Variants in DHX35 observed in about 807,000 individuals in gnomAD.
DHX35 encodes the protein DEAH-box helicase 35.
A neutral mutation model predicts 99.6 loss-of-function variants in DHX35; 84 were observed. The observed-to-expected ratio is 0.84, with a 90% confidence interval of 0.71 to 1.01. The LOEUF (loss-of-function observed/expected upper bound fraction) is 1.01, where lower values mean the gene tolerates loss of function less well. Ranked by LOEUF, DHX35 falls within the 50% of genes least tolerant of loss-of-function variation. The pLI, the probability that DHX35 is intolerant of heterozygous loss-of-function variation, is 0.00. For synonymous variants in DHX35, 331 were observed against 316.2 expected (o/e 1.05, Z -0.50); for missense variants, 852 against 888.5 (o/e 0.96, Z 0.52).
At chr20:38,964,589 C>A (rs534906040) in intron 1 of DHX35, among the ~76,000 whole-genome samples, 42 of 152,206 alleles carry the variant, frequency 2.8e-4, no homozygotes, top group Admixed American at 6.5e-4. Context: ...TGCCACCACA[C>A]CTAGCTAATT....
intron 7 of DHX35, among the ~76,000 whole-genome samples, chr20:38,992,660 A>G (rs2086359072): frequency 6.6e-6 from 1 of 151,962 alleles, no homozygotes; most frequent in Non-Finnish European, 1.5e-5. Context: ...CTGTTTTGGC[A>G]TACTAGGGAT....
At chr20:38,972,722 C>G in intron 3 of DHX35, 71 bp downstream of exon 3, 1 of 974,000 alleles carries the variant, frequency 1.0e-6, no homozygotes, top group South Asian at 1.4e-5. Flanking sequence ...TGAGAGCTCT[C>G]TTTACTATCA....
chr20:39,011,128 C>T (rs986742687), intron 13 of DHX35, among the ~76,000 whole-genome samples: 1 of 151,732 alleles, frequency 6.6e-6, no homozygotes, highest in Non-Finnish European at 1.5e-5. Context: ...GTTTTTATTT[C>T]TTCTGAGTTG....
Position 39,039,355 on chromosome 20 carries a change from G to A in DHX35, c.*812G>A, listed in dbSNP as rs1446651176. ...AACAGTTTGGATGCCCTAAACTTCTGTAGCTCAGGAACATCACTGGTGTAT... is the reference window on the plus strand; with the variant it reads ...AACAGTTTGGATGCCCTAAACTTCTATAGCTCAGGAACATCACTGGTGTAT... On this transcript the variant is annotated 3_prime_UTR_variant, in exon 22 of 22. Transcript: ENST00000252011. The A allele has an allele frequency of 6.6e-6, 1 of 152,644 alleles. No homozygotes were observed. Among genetic ancestry groups the A allele is most frequent in the Non-Finnish European group, 1.5e-5 (1 of 68,052 alleles). The allele number at this position is 152,644 out of a possible 1,614,324, so 9.5% of individuals were successfully genotyped here.
intron 3 of DHX35, chr20:38,978,422 TG>T: frequency 3.1e-6 from 2 of 641,988 alleles, no homozygotes; most frequent in South Asian, 1.6e-5. Context: ...ACATCTTTCA[TG>T]GGGTGGTGGC....
At chr20:38,972,064 A>C (rs963744644) in intron 2 of DHX35, among the ~76,000 whole-genome samples, 2 of 130,886 alleles carry the variant, frequency 1.5e-5, no homozygotes, top group African/African-American at 5.9e-5. Flanking sequence ...GCTGAAGTGC[A>C]GTGGCATGGT....
Position 39,023,679 on chromosome 20 carries a change from A to G in DHX35, c.1594-11A>G, listed in dbSNP as rs764650340. ...AGAGTGAAATTCTGAATGTTGCTTC[A>G]TTCTTTCCAGATTCGAGTGCACCGT... On this transcript the variant is annotated splice_polypyrimidine_tract_variant and intron_variant, in intron 16 of 21. Coordinates refer to ENST00000252011, the MANE Select transcript of DHX35 (RefSeq NM_021931.4). 5.0e-6 allele frequency: 8 copies of G among 1,613,492 alleles called. No individual in the cohort carries two copies. Among genetic ancestry groups the G allele is most frequent in the Non-Finnish European group, 6.8e-6 (8 of 1,179,590 alleles).
Position 38,969,066 on chromosome 20 carries a change from A to G in DHX35, c.41-15A>G. The G allele has an allele frequency of 1.3e-6, 2 of 1,575,430 alleles. No individual in the cohort carries two copies. Among genetic ancestry groups the G allele is most frequent in the Non-Finnish European group, 1.7e-6 (2 of 1,161,484 alleles). On this transcript the variant is annotated splice_polypyrimidine_tract_variant and intron_variant, in intron 1 of 21. Transcript: ENST00000252011. ...TTGTATCAGAGAATCTGAAAAAAAAACATTTCTGCTGCAGGTACAGAGGGG... is the reference window on the plus strand; with the variant it reads ...TTGTATCAGAGAATCTGAAAAAAAAGCATTTCTGCTGCAGGTACAGAGGGG...
At chr20:38,969,235 C>T (rs780605449) in intron 2 of DHX35, 21 bp downstream of exon 2, 2 of 1,598,854 alleles carry the variant, frequency 1.3e-6, no homozygotes, top group Non-Finnish European at 1.7e-6. Context: ...TAATCATGTT[C>T]AACCTGTGGG....
At chr20:39,004,259 G>C (rs1332589599) in intron 11 of DHX35, among the ~76,000 whole-genome samples, 1 of 152,160 alleles carries the variant, frequency 6.6e-6, no homozygotes, top group South Asian at 2.1e-4. Context: ...TAGAGACGGG[G>C]TTTCACTAAG....
intron 2 of DHX35, among the ~76,000 whole-genome samples, chr20:38,970,175 G>C (rs1301264388): frequency 6.6e-6 from 1 of 152,066 alleles, no homozygotes; most frequent in Non-Finnish European, 1.5e-5. Flanking sequence ...CTCCTGCCTC[G>C]GCCTCCCAAA....
chr20:38,991,178 G>A (rs1189881361), intron 5 of DHX35, among the ~76,000 whole-genome samples: 1 of 152,182 alleles, frequency 6.6e-6, no homozygotes, highest in African/African-American at 2.4e-5. Context: ...GGTGGTGCAA[G>A]CCCAGAGGAA....
chr20:38,989,097 C>CTTTTTTT (rs375064892), intron 5 of DHX35, among the ~76,000 whole-genome samples, 180 bp downstream of exon 5: 1 of 125,330 alleles, frequency 8.0e-6, no homozygotes, highest in Non-Finnish European at 1.7e-5. Flanking sequence ...TTCCTTTTTT[C>CTTTTTTT]TTTTTTTTTT....
intron 8 of DHX35, among the ~76,000 whole-genome samples, chr20:38,995,174 C>G (rs1248529933): frequency 6.6e-6 from 1 of 152,110 alleles, no homozygotes; most frequent in Non-Finnish European, 1.5e-5. Flanking sequence ...GCCTGTATTT[C>G]TTGAATTTGT....
chr20:39,023,803 A>T, intron 17 of DHX35, 36 bp downstream of exon 17: 1 of 1,559,820 alleles, frequency 6.4e-7, no homozygotes, highest in Non-Finnish European at 8.8e-7. Flanking sequence ...CCGCCTCAAC[A>T]CACCACCCTC....
At position 38,972,750 on chromosome 20, in the gene DHX35, T is replaced by G. The variant is rs541689953; in HGVS notation, c.267+99T>G. 5.5e-4 allele frequency: 415 copies of G among 757,344 alleles called. 11 individuals are homozygous for G. In the South Asian group the frequency reaches 6.8e-3, roughly 12 times the overall value. 46.9% of individuals were successfully genotyped at this position (757,344 alleles called of 1,614,324 possible). On this transcript the variant is annotated intron_variant, in intron 3 of 21. Coordinates refer to ENST00000252011, the MANE Select transcript of DHX35 (RefSeq NM_021931.4). The stretch of plus-strand genomic sequence containing the variant: ...TACTATCATTTACATTTTTAAGGTC[T>G]CCTTTCAGGAAATGTTCACTTCAAC...
chr20:38,990,300 C>T (rs1257362720), intron 5 of DHX35, among the ~76,000 whole-genome samples: 1 of 152,088 alleles, frequency 6.6e-6, no homozygotes, highest in Non-Finnish European at 1.5e-5. Flanking sequence ...GCATCCTGCT[C>T]TTAAAACAAA....
At chr20:38,970,186 G>C (rs769460171) in intron 2 of DHX35, among the ~76,000 whole-genome samples, 9 of 152,288 alleles carry the variant, frequency 5.9e-5, no homozygotes, top group Non-Finnish European at 1.3e-4. Context: ...GCCTCCCAAA[G>C]TGCTGGGATT....
intron 15 of DHX35, among the ~76,000 whole-genome samples, chr20:39,019,628 T>C (rs951152066): frequency 6.6e-6 from 1 of 152,232 alleles, no homozygotes; most frequent in Non-Finnish European, 1.5e-5. Context: ...GAGTGTGATG[T>C]TTTAATCTAT....
Sources: gnomAD v4.1 joint callset for allele counts (sites outside exome capture counted in the v4.1 genomes callset) on GRCh38, gnomAD v4.1.1 for gene constraint, MANE v1.5 for transcripts, NCBI Gene and HGNC (gene_info 2026-07-23, HGNC 2026-07-21) for gene names.